Variants in ASAP1 observed in about 807,000 individuals in gnomAD.
ASAP1 encodes ArfGAP with SH3 domain, ankyrin repeat and PH domain 1.
ASAP1 carries 43 observed loss-of-function variants against 145.2 expected under a neutral mutation model. That is an observed-to-expected ratio of 0.30 (90% CI 0.23 to 0.38). The LOEUF is 0.38. ASAP1 is among the 10% of genes least tolerant of loss of function. ASAP1 has a pLI of 1.00. For missense variants in ASAP1, 1,018 were observed against 1,355.3 expected, an observed-to-expected ratio of 0.75 and a Z score of 3.91; for synonymous variants, 546 against 515.5, an observed-to-expected ratio of 1.06 and a Z score of -0.80.
intron 3 of ASAP1, among the ~76,000 whole-genome samples, chr8:130,249,807 G>A (rs1220376647): frequency 6.6e-6 from 1 of 152,034 alleles, no homozygotes; most frequent in Non-Finnish European, 1.5e-5. Flanking sequence ...ATCTAGATGT[G>A]CCCAGTGTAC....
intron 27 of ASAP1, among the ~76,000 whole-genome samples, chr8:130,072,010 C>G (rs925407756): frequency 5.3e-5 from 8 of 152,162 alleles, no homozygotes; most frequent in African/African-American, 1.7e-4. Context: ...CTGACCTTCT[C>G]TTGCCCTCTT....
At chr8:130,096,401 T>C (rs2135455876) in intron 24 of ASAP1, among the ~76,000 whole-genome samples, 1 of 152,236 alleles carries the variant, frequency 6.6e-6, no homozygotes, top group Non-Finnish European at 1.5e-5. Context: ...GGAGGCAAGA[T>C]TAGTGAGTGG....
At chr8:130,277,796 C>T (rs967174619) in intron 3 of ASAP1, among the ~76,000 whole-genome samples, 8 of 151,860 alleles carry the variant, frequency 5.3e-5, no homozygotes, top group Admixed American at 4.6e-4. Context: ...AATGTCTTTG[C>T]CACTCATATT....
At chr8:130,331,537 C>T (rs1824688711) in intron 3 of ASAP1, among the ~76,000 whole-genome samples, 1 of 152,166 alleles carries the variant, frequency 6.6e-6, no homozygotes, top group East Asian at 1.9e-4. Flanking sequence ...GCCTTACTTC[C>T]TGCCTTCCTT....
chr8:130,118,103 T>A, intron 20 of ASAP1, 58 bp downstream of exon 20: 2 of 1,445,240 alleles, frequency 1.4e-6, no homozygotes, highest in South Asian at 2.3e-5. Context: ...ATAGGACTGG[T>A]TTGTGTTAAT....
chr8:130,198,008 A>C (rs1815617982), intron 5 of ASAP1, among the ~76,000 whole-genome samples: 1 of 151,924 alleles, frequency 6.6e-6, no homozygotes, highest in African/African-American at 2.4e-5. Context: ...CCCATGTCTC[A>C]TTTGCTGGCT....
rs140254755 is a variant in ASAP1 at position 130,443,579 on chromosome 8, G to T, written c.-147C>A. The T allele has an allele frequency of 6.6e-6, 1 of 150,872 alleles. No homozygotes were observed. Among genetic ancestry groups the T allele is most frequent in the South Asian group, 2.1e-4 (1 of 4,836 alleles). The allele number at this position is 150,872 out of a possible 1,614,324, so 9.3% of individuals were successfully genotyped here. ...CCGGCTGGGCGGGAGGCGCGGGCCC[G>T]GGGCTGCCCAGCGCACAGTGCTCGC... On this transcript the variant is annotated 5_prime_UTR_variant, in exon 1 of 30. Transcript: ENST00000518721.
intron 2 of ASAP1, among the ~76,000 whole-genome samples, chr8:130,366,262 G>A (rs993125109): frequency 2.0e-5 from 3 of 152,200 alleles, no homozygotes; most frequent in Non-Finnish European, 4.4e-5. Flanking sequence ...AATTGTAACA[G>A]TATAAAGTTT....
chr8:130,272,820 C>G (rs1455733043), intron 3 of ASAP1, among the ~76,000 whole-genome samples: 1 of 152,074 alleles, frequency 6.6e-6, no homozygotes. Flanking sequence ...AGTGGAATGA[C>G]AGATACTAGA....
At chr8:130,060,190 G>A (rs2097415685) in intron 28 of ASAP1, among the ~76,000 whole-genome samples, 2 of 151,868 alleles carry the variant, frequency 1.3e-5, no homozygotes, top group African/African-American at 4.8e-5. Flanking sequence ...TCATCCTCAA[G>A]GTTCCTAGGT....
At chr8:130,304,270 G>A (rs1181357704) in intron 3 of ASAP1, among the ~76,000 whole-genome samples, 4 of 148,608 alleles carry the variant, frequency 2.7e-5, no homozygotes, top group Non-Finnish European at 5.9e-5. Flanking sequence ...TATACTGCCC[G>A]GAAAAGAACG....
intron 13 of ASAP1, among the ~76,000 whole-genome samples, chr8:130,151,427 G>C (rs186892838): frequency 2.1e-5 from 2 of 93,242 alleles, no homozygotes; most frequent in African/African-American, 3.9e-5. Flanking sequence ...CTGAAGAAAT[G>C]AATAACTGTT....
chr8:130,298,740 G>C (rs1443925906), intron 3 of ASAP1, among the ~76,000 whole-genome samples: 1 of 152,068 alleles, frequency 6.6e-6, no homozygotes, highest in Non-Finnish European at 1.5e-5. Flanking sequence ...CTATCCCTCT[G>C]ATCTCAGTTG....
chr8:130,252,039 T>C (rs1270697293), intron 3 of ASAP1, among the ~76,000 whole-genome samples: 1 of 152,174 alleles, frequency 6.6e-6, no homozygotes. Flanking sequence ...GGATGTGTAT[T>C]ATCAAATGTT....
At chr8:130,149,220 T>C (rs2097640488) in intron 13 of ASAP1, among the ~76,000 whole-genome samples, 1 of 148,226 alleles carries the variant, frequency 6.7e-6, no homozygotes, top group Non-Finnish European at 1.5e-5. Context: ...AAGCATCTTA[T>C]ACTGTGTTTA....
At chr8:130,270,338 G>A (rs976969922) in intron 3 of ASAP1, among the ~76,000 whole-genome samples, 1 of 152,128 alleles carries the variant, frequency 6.6e-6, no homozygotes, top group Non-Finnish European at 1.5e-5. Flanking sequence ...CATACATTGT[G>A]ACCTGCAGTT....
chr8:130,299,979 T>C (rs1822522939), intron 3 of ASAP1, among the ~76,000 whole-genome samples: 1 of 152,042 alleles, frequency 6.6e-6, no homozygotes, highest in African/African-American at 2.4e-5. Flanking sequence ...GAGCCACATA[T>C]GCAGGATATG....
In ASAP1 at chr8:130,098,905, T is replaced by G. The variant is rs974557947; in HGVS notation, c.2402-6762A>C. Among the ~76,000 whole-genome samples the G allele has an allele frequency of 2.6e-5, 4 of 152,218 alleles. No individual in the cohort carries two copies. The East Asian group carries it at 7.7e-4, about 29-fold the overall frequency. ...TATCCTTCCCATCTAGCTGTTATTT[T>G]GTATCCATTAATCAGCCTCATCCTC... On this transcript the variant is annotated intron_variant, in intron 24 of 29. Coordinates refer to ENST00000518721, the MANE Select transcript of ASAP1 (RefSeq NM_018482.4).
At position 130,057,913 on chromosome 8, in the gene ASAP1, G is replaced by T. The variant is rs755806136; in HGVS notation, c.3315+41C>A. ...AATGTGGTGCCTGCCCAGGCATGCT[G>T]TATGAATGTACGGATGAAGTGGATG... On this transcript the variant is annotated intron_variant, in intron 29 of 29. Coordinates refer to ENST00000518721, the MANE Select transcript of ASAP1 (RefSeq NM_018482.4). 1.9e-6 allele frequency: 3 copies of T among 1,608,502 alleles called. No individual in the cohort carries two copies. The South Asian group carries it at 3.3e-5, about 18-fold the overall frequency.
Sources: allele counts gnomAD v4.1 joint callset (sites outside exome capture counted in the v4.1 genomes callset), GRCh38; gene constraint gnomAD v4.1.1; transcripts MANE v1.5; gene names NCBI Gene and HGNC (gene_info 2026-07-23, HGNC 2026-07-21).